INPP5D: variants seen among roughly 807,000 people sequenced by gnomAD.
INPP5D encodes the protein phosphatidylinositol 3,4,5-trisphosphate 5-phosphatase 1.
In INPP5D, 33 loss-of-function variants were observed where a neutral mutation model predicts 122.9. The ratio of observed to expected loss-of-function variants is 0.27; its 90% CI spans 0.20 to 0.36. INPP5D has a LOEUF of 0.36. INPP5D is among the 10% of genes least tolerant of loss of function. The probability of loss-of-function intolerance (pLI) is 1.00; values close to 1 mark genes in which losing one functional copy is unlikely to be tolerated. For synonymous variants in INPP5D, 584 were observed against 576.2 expected (o/e 1.01, Z -0.19); for missense variants, 1,053 against 1,412.7 (o/e 0.75, Z 4.08).
intron 9 of INPP5D, among the ~76,000 whole-genome samples, chr2:233,152,594 T>C (rs1050374150): frequency 6.6e-6 from 1 of 152,136 alleles, no homozygotes; most frequent in African/African-American, 2.4e-5. Context: ...AATATGACAG[T>C]AATGGGGAAA....
chr2:233,070,166 T>C (rs1270915596), intron 1 of INPP5D, among the ~76,000 whole-genome samples: 2 of 152,250 alleles, frequency 1.3e-5, no homozygotes, highest in African/African-American at 4.8e-5. Flanking sequence ...ATCGAAGCTA[T>C]AGTTTTTCTG....
chr2:233,085,298 A>G (rs1410236772), intron 2 of INPP5D, among the ~76,000 whole-genome samples: 2 of 151,758 alleles, frequency 1.3e-5, no homozygotes, highest in African/African-American at 4.8e-5. Context: ...AGGTGGGAGG[A>G]TCGCTTGAAC....
rs895413791 is a variant in INPP5D, at chr2:233,067,814, G to A, written c.134+7202G>A. On this transcript the variant is annotated intron_variant, in intron 1 of 26. Transcript: ENST00000445964. ...CAAACGTCTTTTCTCATGGTTAATG[G>A]CCATTTGTATTTGGAGAAAAGTCAA... Among the ~76,000 whole-genome samples the A allele has an allele frequency of 4.0e-4, 61 of 152,166 alleles. 1 individual carries two copies. The highest frequency in any genetic ancestry group is 1.9e-4 in the East Asian group (1 of 5,200).
intron 3 of INPP5D, among the ~76,000 whole-genome samples, chr2:233,124,596 G>A (rs976790572): frequency 1.2e-4 from 19 of 152,142 alleles, no homozygotes; most frequent in African/African-American, 4.1e-4. Context: ...CCAGCACCGC[G>A]CCCTGGCTGC....
intron 10 of INPP5D, among the ~76,000 whole-genome samples, chr2:233,159,636 G>A (rs62192874): frequency 0.35 from 50,871 of 145,104 alleles, 10,886 homozygotes; most frequent in Non-Finnish European, 0.48. Flanking sequence ...TGAGGCTGCA[G>A]TGAGCTATGA....
At chr2:233,121,117 CTTTCT>C (rs1291595231) in intron 2 of INPP5D, among the ~76,000 whole-genome samples, 303 of 128,606 alleles carry the variant, frequency 2.4e-3, no homozygotes, top group East Asian at 0.013. Flanking sequence ...TTCTTTCTTT[CTTTCT>C]TTTTTTTTTT....
In INPP5D at chr2:233,132,788, A is replaced by G. The variant is rs151050585; in HGVS notation, c.665+2140A>G. 9.9e-3 allele frequency among the ~76,000 whole-genome samples: 1,502 copies of G among 152,298 alleles called. 17 individuals carry two copies. The highest frequency in any genetic ancestry group is 0.018 in the South Asian group (89 of 4,826). ...GTTCTGGGTGCTGGGATGTAGCAAC[A>G]GACACAATGCACAAGCCTCTTGCTC... On this transcript the variant is annotated intron_variant, in intron 5 of 26. Coordinates refer to ENST00000445964, the MANE Select transcript of INPP5D (RefSeq NM_001017915.3).
intron 17 of INPP5D, among the ~76,000 whole-genome samples, chr2:233,172,566 G>A (rs979484776): frequency 2.1e-5 from 3 of 144,292 alleles, no homozygotes; most frequent in Non-Finnish European, 4.7e-5. Context: ...ATCACAAGGC[G>A]GAGCTGGCTT....
intron 3 of INPP5D, among the ~76,000 whole-genome samples, chr2:233,123,252 G>A (rs1012232923): frequency 2.0e-5 from 3 of 152,110 alleles, no homozygotes; most frequent in African/African-American, 7.2e-5. Flanking sequence ...TCAGGAGATC[G>A]AGACCATCCT....
intron 10 of INPP5D, among the ~76,000 whole-genome samples, chr2:233,158,839 C>T (rs760056592): frequency 3.3e-5 from 5 of 152,100 alleles, no homozygotes; most frequent in Non-Finnish European, 7.4e-5. Context: ...AGTGCAGTGG[C>T]GTGATCACAG....
intron 5 of INPP5D, among the ~76,000 whole-genome samples, chr2:233,133,043 C>T (rs1452842077): frequency 6.6e-6 from 1 of 151,974 alleles, no homozygotes; most frequent in Non-Finnish European, 1.5e-5. Flanking sequence ...TCACTTGCTT[C>T]CCCCGAGTCC....
Position 233,204,440 on chromosome 2 carries a change from C to G in INPP5D, c.3290C>G (p.Ala1097Gly). ...TCSSSAEGRAAGGDKSQGKPK... is the reference protein window; with the variant it reads ...TCSSSAEGRAGGGDKSQGKPK... ...TCATCCTCTGCCGAGGGCAGGGCGG[C>G]CGGCGGGGACAAGAGCCAAGGGAAG... The change falls in exon 26 of 27, where the codon GCC becomes GGC. Residue 1097 changes from alanine to glycine, a missense_variant. Physicochemically the swap from Ala to Gly is moderately conservative, Grantham distance 60. Transcript: ENST00000445964. 7 of 1,601,454 alleles carry G rather than the reference C, an allele frequency of 4.4e-6. No individual in the cohort carries two copies. Among genetic ancestry groups the G allele is most frequent in the Non-Finnish European group, 6.0e-6 (7 of 1,174,948 alleles).
chr2:233,184,116 G>A (rs764004045), intron 19 of INPP5D, among the ~76,000 whole-genome samples: 1 of 152,136 alleles, frequency 6.6e-6, no homozygotes, highest in Non-Finnish European at 1.5e-5. Flanking sequence ...AATAGTGGGG[G>A]TATTGCCTGA....
At chr2:233,113,956 GA>G (rs1292154614) in intron 2 of INPP5D, among the ~76,000 whole-genome samples, 5 of 121,550 alleles carry the variant, frequency 4.1e-5, no homozygotes, top group South Asian at 5.1e-4. Context: ...GCCCAGGCTG[GA>G]TGGAGTGCAG....
chr2:233,099,580 G>T (rs1346241731), intron 2 of INPP5D, among the ~76,000 whole-genome samples: 1 of 152,172 alleles, frequency 6.6e-6, no homozygotes, highest in Non-Finnish European at 1.5e-5. Context: ...GAAACCTATA[G>T]ATATCAGATT....
At chr2:233,184,311 C>T in intron 19 of INPP5D, 97 bp from the exon 20 acceptor site, 1 of 1,489,522 alleles carries the variant, frequency 6.7e-7, no homozygotes. Flanking sequence ...TTCCTGGGAC[C>T]CTGAGAAGGA....
At chr2:233,157,083 A>G (rs948069937) in intron 9 of INPP5D, among the ~76,000 whole-genome samples, 3 of 152,222 alleles carry the variant, frequency 2.0e-5, no homozygotes, top group African/African-American at 7.2e-5. Context: ...GAGTTCTGTC[A>G]GTTAAGTGTG....
At chr2:233,186,870 G>A (rs896903359) in intron 21 of INPP5D, among the ~76,000 whole-genome samples, 1 of 150,802 alleles carries the variant, frequency 6.6e-6, no homozygotes. Flanking sequence ...CTACAGATGT[G>A]CACCACCACA....
intron 26 of INPP5D, 190 bp downstream of exon 26, chr2:233,204,907 T>A (rs1031430618): frequency 4.1e-6 from 4 of 973,878 alleles, no homozygotes; most frequent in African/African-American, 3.5e-5. Flanking sequence ...GAAGGGAGAG[T>A]CAGGATTTGA....
Sources: allele counts gnomAD v4.1 joint callset (sites outside exome capture counted in the v4.1 genomes callset), GRCh38; gene constraint gnomAD v4.1.1; transcripts MANE v1.5; gene names NCBI Gene and HGNC (gene_info 2026-07-23, HGNC 2026-07-21).